FBXL17: variants seen among roughly 807,000 people sequenced by gnomAD.
FBXL17 encodes the protein F-box/LRR-repeat protein 17.
In FBXL17, 22 loss-of-function variants were observed where a neutral mutation model predicts 66.2. The observed-to-expected ratio is 0.33, with a 90% CI of 0.24 to 0.47. The LOEUF is 0.47. FBXL17 is among the 20% of genes least tolerant of loss of function. FBXL17 has a pLI of 1.00. For synonymous variants in FBXL17, 474 were observed against 400.5 expected (o/e 1.18, Z -2.19); for missense variants, 878 against 948.2 (o/e 0.93, Z 0.97).
rs144739187 is a variant in FBXL17, at chr5:108,338,378, C to A, written c.1506+10021G>T. 3.8e-3 allele frequency among the ~76,000 whole-genome samples: 578 copies of A among 152,126 alleles called. 2 individuals carry two copies. The highest frequency in any genetic ancestry group is 0.013 in the African/African-American group (553 of 41,526). On this transcript the variant is annotated intron_variant, in intron 4 of 8. Coordinates refer to ENST00000542267, the MANE Select transcript of FBXL17 (RefSeq NM_001163315.3). ...AGGACTCGGATTTACAACCACTTTTCTTTGTATTACAGAGTCTCAATATAT... is the reference window on the plus strand; with the variant it reads ...AGGACTCGGATTTACAACCACTTTTATTTGTATTACAGAGTCTCAATATAT...
rs1749975407 is a variant in FBXL17, at chr5:108,381,786, C to T, written c.-95G>A. 5.9e-6 allele frequency: 8 copies of T among 1,357,102 alleles called. No homozygotes were observed. Among genetic ancestry groups the T allele is most frequent in the Non-Finnish European group, 7.5e-6 (8 of 1,059,616 alleles). 84.1% of individuals were successfully genotyped at this position (1,357,102 alleles called of 1,614,324 possible). A position where few individuals can be genotyped will look rare whatever the true frequency, so the allele number is the denominator to read the frequency against. ...GGGGCAGGCCGCTCGCTGGCTCGGC[C>T]CCCGGAGGGGTCGCCCTTCCTGCGC... On this transcript the variant is annotated 5_prime_UTR_variant, in exon 1 of 9. Transcript: ENST00000542267.
intron 7 of FBXL17, among the ~76,000 whole-genome samples, chr5:107,942,534 G>A (rs1725539762): frequency 6.6e-6 from 1 of 152,076 alleles, no homozygotes; most frequent in Non-Finnish European, 1.5e-5. Context: ...CATTACATTA[G>A]CTTTGAATGA....
chr5:107,979,394 T>C (rs1406233747), intron 7 of FBXL17, among the ~76,000 whole-genome samples: 1 of 152,224 alleles, frequency 6.6e-6, no homozygotes, highest in African/African-American at 2.4e-5. Context: ...GACCCATCAA[T>C]GTTAAGGGAA....
chr5:108,260,628 C>T lies in FBXL17; in HGVS notation c.1507-36400G>A, dbSNP rs186079052. The stretch of plus-strand genomic sequence containing the variant: ...CCCAGACCGATCATTCCAATCAGGC[C>T]CACAAAATGAGAGACAACTAATCAA... On this transcript the variant is annotated intron_variant, in intron 4 of 8. Coordinates refer to ENST00000542267, the MANE Select transcript of FBXL17 (RefSeq NM_001163315.3). Among the ~76,000 whole-genome samples, 3 of 152,156 alleles carry T rather than the reference C, an allele frequency of 2.0e-5. No homozygotes were observed. In the East Asian group the frequency reaches 5.8e-4, roughly 29 times the overall value.
At chr5:108,282,092 A>C (rs1757723965) in intron 4 of FBXL17, among the ~76,000 whole-genome samples, 1 of 151,810 alleles carries the variant, frequency 6.6e-6, no homozygotes, top group Non-Finnish European at 1.5e-5. Context: ...AATTATCCCA[A>C]AGGTACAAAG....
chr5:108,153,235 A>G (rs1408762198), intron 6 of FBXL17, among the ~76,000 whole-genome samples: 1 of 152,170 alleles, frequency 6.6e-6, no homozygotes, highest in Non-Finnish European at 1.5e-5. Context: ...ACAGCAGCCT[A>G]TATTTTATCT....
At chr5:108,065,648 C>T (rs1297864634) in intron 6 of FBXL17, among the ~76,000 whole-genome samples, 4 of 152,054 alleles carry the variant, frequency 2.6e-5, no homozygotes, top group Admixed American at 2.6e-4. Flanking sequence ...AAAATAAGAC[C>T]ATCAGTCACA....
intron 6 of FBXL17, 109 bp from the exon 7 acceptor site, chr5:108,021,110 T>C (rs1186259422): frequency 5.5e-6 from 4 of 725,686 alleles, no homozygotes; most frequent in South Asian, 1.7e-5. Flanking sequence ...GCTTCTTTAA[T>C]GGTGTTTCAG....
Position 108,380,882 on chromosome 5 carries a change from G to A in FBXL17, c.810C>T (p.Ala270=). The A allele has an allele frequency of 1.6e-6, 2 of 1,240,416 alleles. No homozygotes were observed. Among genetic ancestry groups the A allele is most frequent in the South Asian group, 8.2e-5 (2 of 24,380 alleles). 76.8% of individuals were successfully genotyped at this position (1,240,416 alleles called of 1,614,324 possible). Residue 270 remains alanine (A), a synonymous_variant, in exon 1 of 9, where the codon GCC becomes GCT. Transcript: ENST00000542267. ...CAGCGTCCCCGCCAGCTTCGGTGGG[G>A]GCACCTTCGGAGGTGGGAGAAGAGG... ...PPPSSPTSEG[A]PTEAGGDAVR...
chr5:107,916,952 G>A (rs1045817915), intron 7 of FBXL17, among the ~76,000 whole-genome samples: 1 of 152,128 alleles, frequency 6.6e-6, no homozygotes, highest in Non-Finnish European at 1.5e-5. Context: ...AAGGTGTATC[G>A]CTAAGACATA....
At chr5:108,121,487 C>T (rs1750496754) in intron 6 of FBXL17, among the ~76,000 whole-genome samples, 1 of 151,976 alleles carries the variant, frequency 6.6e-6, no homozygotes, top group Admixed American at 6.6e-5. Context: ...TGAGTCCATG[C>T]ATATTTTAAT....
chr5:107,911,709 A>G (rs970613366), intron 7 of FBXL17, among the ~76,000 whole-genome samples: 2 of 152,192 alleles, frequency 1.3e-5, no homozygotes, highest in Non-Finnish European at 2.9e-5. Flanking sequence ...ATGTAGCTTC[A>G]TAAAATTAAA....
rs530467275 is a variant in FBXL17, at chr5:108,089,219, G to A, written c.1746-68218C>T. 4.9e-4 allele frequency among the ~76,000 whole-genome samples: 74 copies of A among 152,226 alleles called. 1 individual carries two copies. The South Asian group carries it at 0.015, about 31-fold the overall frequency. ...GCAATGGCCTTCTAACTGGTCTTGCGAGCCAGTTAGAATTTGTGCCCCTTG... is the reference window on the plus strand; with the variant it reads ...GCAATGGCCTTCTAACTGGTCTTGCAAGCCAGTTAGAATTTGTGCCCCTTG... On this transcript the variant is annotated intron_variant, in intron 6 of 8. Transcript: ENST00000542267.
intron 5 of FBXL17, among the ~76,000 whole-genome samples, chr5:108,209,628 G>A (rs1331308279): frequency 1.3e-5 from 2 of 152,128 alleles, no homozygotes; most frequent in African/African-American, 2.4e-5. Flanking sequence ...ATTTTCTTAT[G>A]TTGAACCAGG....
At chr5:108,237,677 G>C (rs1331036884) in intron 4 of FBXL17, among the ~76,000 whole-genome samples, 2 of 152,230 alleles carry the variant, frequency 1.3e-5, no homozygotes, top group East Asian at 3.9e-4. Context: ...AGTCCAGCAG[G>C]TATACACAAG....
chr5:107,947,500 T>C lies in FBXL17; in HGVS notation c.1823-66321A>G, dbSNP rs147517659. Among the ~76,000 whole-genome samples the C allele has an allele frequency of 6.5e-4, 99 of 152,354 alleles. 1 individual carries two copies. The highest frequency in any genetic ancestry group is 2.3e-3 in the African/African-American group (96 of 41,586). On this transcript the variant is annotated intron_variant, in intron 7 of 8. Coordinates refer to ENST00000542267, the MANE Select transcript of FBXL17 (RefSeq NM_001163315.3). ...TGTGTTGCTAACTGTCATTGGAGTA[T>C]CCACTGTAAGCTCTTTTCCCCCTTT...
At chr5:107,905,783 A>T (rs1250305225) in intron 7 of FBXL17, among the ~76,000 whole-genome samples, 1 of 152,212 alleles carries the variant, frequency 6.6e-6, no homozygotes, top group African/African-American at 2.4e-5. Flanking sequence ...GGAATTTCAT[A>T]TCACACTTTT....
At chr5:108,043,025 T>C (rs1306572123) in intron 6 of FBXL17, among the ~76,000 whole-genome samples, 2 of 152,236 alleles carry the variant, frequency 1.3e-5, no homozygotes, top group African/African-American at 2.4e-5. Flanking sequence ...TGTTCATCTG[T>C]ATATCATCAG....
At chr5:107,927,616 T>C (rs551876010) in intron 7 of FBXL17, among the ~76,000 whole-genome samples, 5 of 152,238 alleles carry the variant, frequency 3.3e-5, no homozygotes, top group Non-Finnish European at 7.4e-5. Context: ...GCAAATAAAC[T>C]TGATATAAAA....
Sources: allele counts gnomAD v4.1 joint callset (sites outside exome capture counted in the v4.1 genomes callset), GRCh38; gene constraint gnomAD v4.1.1; transcripts MANE v1.5; gene names NCBI Gene and HGNC (gene_info 2026-07-23, HGNC 2026-07-21).